Variants in PLA2G5 observed in about 807,000 individuals in gnomAD.
PLA2G5 encodes the protein phospholipase A2 group V.
PLA2G5 carries 12 observed loss-of-function variants against 15.9 expected under a neutral mutation model. That is an observed-to-expected ratio of 0.76 (90% CI 0.48 to 1.23). The LOEUF is 1.23. PLA2G5 is among the 50% of genes most tolerant of loss of function. PLA2G5 has a pLI of 0.00. For missense variants in PLA2G5, 169 were observed against 177.1 expected (o/e 0.95, Z 0.26); for synonymous variants, 71 against 71.4 (o/e 0.99, Z 0.03).
At chr1:20,074,731 A>AG (rs2015576514) in intron 1 of PLA2G5, among the ~76,000 whole-genome samples, 1 of 152,222 alleles carries the variant, frequency 6.6e-6, no homozygotes, top group Admixed American at 6.5e-5. Flanking sequence ...ATGAGCTGTT[A>AG]GAAAAACGTT....
At chr1:20,031,734 T>C (rs180936527) in intron 1 of PLA2G5, among the ~76,000 whole-genome samples, 1 of 152,238 alleles carries the variant, frequency 6.6e-6, no homozygotes, top group Non-Finnish European at 1.5e-5. Context: ...GTGTATCCCG[T>C]GTAGAAAGGA....
At chr1:20,068,378 T>C (rs907494535), upstream of PLA2G5, among the ~76,000 whole-genome samples, 1 of 151,646 alleles carries the variant, frequency 6.6e-6, no homozygotes, top group African/African-American at 2.4e-5. Flanking sequence ...CAGAGAGGCA[T>C]GCAGGACTTT....
At chr1:20,073,878 A>AT (rs754381427) in intron 1 of PLA2G5, among the ~76,000 whole-genome samples, 1 of 152,132 alleles carries the variant, frequency 6.6e-6, no homozygotes, top group African/African-American at 2.4e-5. Context: ...CAAAAAAAAA[A>AT]GAAGATATGC....
At chr1:20,077,615 G>A (rs1046689465) in intron 1 of PLA2G5, among the ~76,000 whole-genome samples, 1 of 152,150 alleles carries the variant, frequency 6.6e-6, no homozygotes, top group Non-Finnish European at 1.5e-5. Flanking sequence ...GCACCTACAG[G>A]GTGCCAGGCA....
chr1:20,053,278 C>T (rs2014265344), intron 1 of PLA2G5, among the ~76,000 whole-genome samples: 1 of 152,042 alleles, frequency 6.6e-6, no homozygotes, highest in Non-Finnish European at 1.5e-5. Context: ...CTTATTTGTT[C>T]AATTGTAGTA....
At chr1:20,060,251 T>C (rs1239056972) in intron 2 of PLA2G5, among the ~76,000 whole-genome samples, 183 of 121,296 alleles carry the variant, frequency 1.5e-3, no homozygotes, top group African/African-American at 5.3e-3. Context: ...TTTCTTCTTT[T>C]TTTTTTTTTT....
At chr1:20,078,459 C>T (rs964671898) in intron 1 of PLA2G5, among the ~76,000 whole-genome samples, 22 of 151,870 alleles carry the variant, frequency 1.4e-4, no homozygotes, top group East Asian at 3.9e-4. Context: ...GAAGAAGAAA[C>T]GAAAATACAG....
At chr1:20,043,457 G>C (rs2013726623) in intron 1 of PLA2G5, among the ~76,000 whole-genome samples, 1 of 152,118 alleles carries the variant, frequency 6.6e-6, no homozygotes, top group South Asian at 2.1e-4. Context: ...AGGGTGATTA[G>C]GTTTTAATGG....
At chr1:20,068,451 GTTT>G (rs5772880), upstream of PLA2G5, among the ~76,000 whole-genome samples, 4 of 133,574 alleles carry the variant, frequency 3.0e-5, no homozygotes, top group Non-Finnish European at 4.8e-5. Context: ...AAAAGTGGTA[GTTT>G]TTTTTTTTTT....
chr1:20,033,486 T>TCTATCATCTACAGG (rs1434537016), intron 1 of PLA2G5, among the ~76,000 whole-genome samples: 2 of 152,132 alleles, frequency 1.3e-5, no homozygotes, highest in Non-Finnish European at 2.9e-5. Flanking sequence ...ATTGATGGCT[T>TCTATCATCTACAGG]ATGAGGTCCT....
intron 1 of PLA2G5, among the ~76,000 whole-genome samples, chr1:20,036,639 T>C (rs4654812): frequency 0.28 from 42,868 of 152,040 alleles, 6,931 homozygotes; most frequent in Non-Finnish European, 0.37. Flanking sequence ...GACTTCTTTG[T>C]CCATATCCTG....
intron 1 of PLA2G5, among the ~76,000 whole-genome samples, chr1:20,079,433 A>C (rs1557750383): frequency 2.0e-5 from 3 of 152,222 alleles, no homozygotes; most frequent in Admixed American, 6.5e-5. Flanking sequence ...GCTGATATAG[A>C]GCCTGTGATG....
chr1:20,034,817 G>A (rs1375620042), intron 1 of PLA2G5, among the ~76,000 whole-genome samples: 1 of 152,144 alleles, frequency 6.6e-6, no homozygotes, highest in Admixed American at 6.5e-5. Context: ...CCCCTAAGAA[G>A]GCAGGCCATG....
intron 1 of PLA2G5, among the ~76,000 whole-genome samples, chr1:20,074,774 C>T (rs1278265140): frequency 6.6e-6 from 1 of 152,220 alleles, no homozygotes; most frequent in Non-Finnish European, 1.5e-5. Context: ...CTGCTTAGCG[C>T]GTCCGTGCCT....
At chr1:20,058,909 C>T (rs1316999924) in intron 1 of PLA2G5, among the ~76,000 whole-genome samples, 1 of 152,100 alleles carries the variant, frequency 6.6e-6, no homozygotes, top group Non-Finnish European at 1.5e-5. Context: ...TGCAGTGGCT[C>T]ATGCCTGTAA....
At chr1:20,079,993 G>A (rs11573237) in intron 1 of PLA2G5, among the ~76,000 whole-genome samples, 3,164 of 152,286 alleles carry the variant, frequency 0.021, 119 homozygotes, top group Admixed American at 0.094. Flanking sequence ...GAAAAAGTTG[G>A]GGGTTGGCAA....
intron 1 of PLA2G5, among the ~76,000 whole-genome samples, chr1:20,034,639 G>A (rs1026443164): frequency 6.6e-6 from 1 of 152,252 alleles, no homozygotes; most frequent in African/African-American, 2.4e-5. Context: ...TGGGTTAAGG[G>A]GATATTGAGA....
At chr1:20,072,549 C>T (rs1269596802) in intron 1 of PLA2G5, among the ~76,000 whole-genome samples, 3 of 152,064 alleles carry the variant, frequency 2.0e-5, no homozygotes, top group South Asian at 2.1e-4. Flanking sequence ...GAACTAAAAG[C>T]CTTCACATCC....
intron 1 of PLA2G5, among the ~76,000 whole-genome samples, chr1:20,033,358 G>A (rs551303954): frequency 1.3e-5 from 2 of 152,332 alleles, no homozygotes; most frequent in South Asian, 2.1e-4. Context: ...GAGCTCATGT[G>A]TTTACAGGGA....
Sources: allele counts gnomAD v4.1 joint callset (sites outside exome capture counted in the v4.1 genomes callset), GRCh38; gene constraint gnomAD v4.1.1; transcripts MANE v1.5; gene names NCBI Gene and HGNC (gene_info 2026-07-23, HGNC 2026-07-21).